NEK9: variants seen among roughly 807,000 people sequenced by gnomAD.
NEK9 encodes the protein serine/threonine-protein kinase Nek9.
A neutral mutation model predicts 123.4 loss-of-function variants in NEK9; 75 were observed. That is an observed-to-expected ratio of 0.61 (90% confidence interval 0.50 to 0.74). The LOEUF is 0.74. NEK9 is among the 30% of genes least tolerant of loss of function. The pLI, the probability that NEK9 is intolerant of heterozygous loss-of-function variation, is 0.00. For synonymous variants in NEK9, 438 were observed against 458.7 expected, an observed-to-expected ratio of 0.95 and a Z score of 0.58; for missense variants, 952 against 1,214.4, an observed-to-expected ratio of 0.78 and a Z score of 3.21.
intron 16 of NEK9, among the ~76,000 whole-genome samples, chr14:75,098,460 T>C (rs573293249): frequency 1.3e-5 from 2 of 152,142 alleles, no homozygotes; most frequent in Non-Finnish European, 2.9e-5. Flanking sequence ...GTTGAATAAA[T>C]GAGTCTGAAG....
At chr14:75,087,534 G>C (rs1475443724) in intron 20 of NEK9, among the ~76,000 whole-genome samples, 3 of 152,194 alleles carry the variant, frequency 2.0e-5, no homozygotes, top group Admixed American at 6.5e-5. Flanking sequence ...TTAAAATGCT[G>C]AAGTAGGGAA....
At chr14:75,109,065 A>C (rs1288156018) in intron 10 of NEK9, among the ~76,000 whole-genome samples, 1 of 152,170 alleles carries the variant, frequency 6.6e-6, no homozygotes, top group East Asian at 1.9e-4. Flanking sequence ...TATTTTAGCA[A>C]TTTATGGGTC....
intron 13 of NEK9, among the ~76,000 whole-genome samples, 175 bp from the exon 14 acceptor site, chr14:75,104,172 T>C (rs1894690045): frequency 1.3e-5 from 2 of 151,944 alleles, no homozygotes; most frequent in Non-Finnish European, 2.9e-5. Context: ...TTTTTCTTTT[T>C]TTTTTTTTTT....
At chr14:75,091,646 A>G in intron 18 of NEK9, 168 bp from the exon 19 acceptor site, 1 of 484,394 alleles carries the variant, frequency 2.1e-6, no homozygotes, top group Non-Finnish European at 3.5e-6. Flanking sequence ...CATACAAACT[A>G]TGTTTTGTAA....
chr14:75,100,271 C>A (rs529029235), intron 16 of NEK9, among the ~76,000 whole-genome samples: 47 of 149,756 alleles, frequency 3.1e-4, no homozygotes, highest in Non-Finnish European at 6.5e-4. Context: ...CATAAAGAAA[C>A]CCCGTCTCTA....
chr14:75,097,919 G>A (rs1235260231), intron 16 of NEK9, among the ~76,000 whole-genome samples: 2 of 152,140 alleles, frequency 1.3e-5, no homozygotes, highest in African/African-American at 4.8e-5. Flanking sequence ...AGGAAGGGAC[G>A]GAATAACAGA....
chr14:75,122,032 G>C (rs571402201), intron 2 of NEK9, among the ~76,000 whole-genome samples: 2 of 152,260 alleles, frequency 1.3e-5, no homozygotes, highest in East Asian at 3.9e-4. Context: ...TCTTCCTGTG[G>C]AATAAGTGTG....
rs17103023 is a variant in NEK9 at position 75,086,543 on chromosome 14, A to G, written c.2817+475T>C. The G allele has an allele frequency of 1.3e-3, 205 of 159,030 alleles. 5 individuals are homozygous for G. The East Asian group carries it at 0.035, about 27-fold the overall frequency. 9.9% of individuals were successfully genotyped at this position (159,030 alleles called of 1,614,324 possible). A position where few individuals can be genotyped will look rare whatever the true frequency, so the allele number is the denominator to read the frequency against. On this transcript the variant is annotated intron_variant, in intron 21 of 21. Coordinates refer to ENST00000238616, the MANE Select transcript of NEK9 (RefSeq NM_033116.6). ...AGAAAAAGCAATGCAAGTGATGAAA[A>G]TGATTCAATCTAGGTGCCTGAACAA...
At chr14:75,126,624 G>A in intron 1 of NEK9, 79 bp downstream of exon 1, 4 of 1,174,248 alleles carry the variant, frequency 3.4e-6, no homozygotes, top group East Asian at 3.2e-5. Context: ...TCACGACGCT[G>A]GGAAAGCGGG....
At chr14:75,102,950 A>C (rs1894637486) in intron 14 of NEK9, among the ~76,000 whole-genome samples, 2 of 152,156 alleles carry the variant, frequency 1.3e-5, no homozygotes, top group Admixed American at 1.3e-4. Context: ...AGGACAAAAA[A>C]TCAAACACCG....
chr14:75,115,570 G>C (rs557138612), intron 6 of NEK9, among the ~76,000 whole-genome samples: 43 of 152,270 alleles, frequency 2.8e-4, no homozygotes, highest in Non-Finnish European at 5.6e-4. Flanking sequence ...TACATTATGA[G>C]AGAATCTCCG....
At chr14:75,113,283 C>T in intron 8 of NEK9, 56 bp downstream of exon 8, 1 of 1,325,250 alleles carries the variant, frequency 7.5e-7, no homozygotes, top group Non-Finnish European at 1.1e-6. Flanking sequence ...TCTGATCAAG[C>T]CTCTAAAAGT....
At chr14:75,120,933 C>A in intron 3 of NEK9, 186 bp downstream of exon 3, 1 of 679,172 alleles carries the variant, frequency 1.5e-6, no homozygotes, top group East Asian at 2.7e-5. Flanking sequence ...GGAGGTAAAA[C>A]GTTTAGGAAG....
chr14:75,125,029 C>T (rs1288555955), intron 1 of NEK9, among the ~76,000 whole-genome samples: 1 of 151,592 alleles, frequency 6.6e-6, no homozygotes, highest in African/African-American at 2.4e-5. Context: ...ACCACCTTGG[C>T]CTCCCAGGTG....
chr14:75,084,864 T>G, intron 21 of NEK9, 178 bp from the exon 22 acceptor site: 9 of 666,750 alleles, frequency 1.3e-5, no homozygotes, highest in Non-Finnish European at 2.2e-5. Flanking sequence ...CATACCTTTA[T>G]ATTTACTGCA....
chr14:75,094,374 T>G (rs541060149), intron 18 of NEK9, among the ~76,000 whole-genome samples: 2 of 152,240 alleles, frequency 1.3e-5, no homozygotes, highest in Non-Finnish European at 2.9e-5. Context: ...CACTGTAACC[T>G]TGAACTCCTG....
intron 18 of NEK9, among the ~76,000 whole-genome samples, chr14:75,093,086 C>T (rs917987887): frequency 8.5e-5 from 13 of 152,178 alleles, no homozygotes; most frequent in African/African-American, 2.7e-4. Flanking sequence ...CTATTTGCCA[C>T]TAGAACTAGA....
Position 75,084,361 on chromosome 14 carries a change from T to C in NEK9, c.*203A>G. ...CAGGGCCATGGGGGCCCTTCCATTC[T>C]CCAAAACAATAAAATCACTCCTAGA... On this transcript the variant is annotated 3_prime_UTR_variant, in exon 22 of 22. Transcript: ENST00000238616. 1.6e-6 allele frequency: 1 copy of C among 630,756 alleles called. No individual in the cohort carries two copies. Among genetic ancestry groups the C allele is most frequent in the South Asian group, 1.9e-5 (1 of 51,804 alleles). The allele number at this position is 630,756 out of a possible 1,614,324, so 39.1% of individuals were successfully genotyped here.
intron 10 of NEK9, among the ~76,000 whole-genome samples, chr14:75,108,749 T>A (rs955912375): frequency 6.6e-6 from 1 of 151,916 alleles, no homozygotes; most frequent in Non-Finnish European, 1.5e-5. Flanking sequence ...GAGATGGGGT[T>A]TTGTCATGTT....
Sources: allele counts gnomAD v4.1 joint callset (sites outside exome capture counted in the v4.1 genomes callset), GRCh38; gene constraint gnomAD v4.1.1; transcripts MANE v1.5; gene names NCBI Gene and HGNC (gene_info 2026-07-23, HGNC 2026-07-21).